The following OR6C3 variants were observed in gnomAD, a reference collection of about 807,000 sequenced individuals.
The protein encoded by OR6C3 is olfactory receptor 6C3.
For synonymous variants in OR6C3, 177 were observed against 137.4 expected, an observed-to-expected ratio of 1.29 and a Z score of -2.02; for missense variants, 487 against 364.6, an observed-to-expected ratio of 1.34 and a Z score of -2.73.
chr12:55,331,185 TG>T (rs1868829821), intron 1 of OR6C3, among the ~76,000 whole-genome samples: 1 of 151,736 alleles, frequency 6.6e-6, no homozygotes, highest in African/African-American at 2.4e-5. Context: ...AATCTTTAAT[TG>T]GTTTCTCATA....
Position 55,332,461 on chromosome 12 carries a change from T to A in OR6C3, c.761T>A (p.Phe254Tyr), listed in dbSNP as rs1363510391. Residue 254 changes from phenylalanine to tyrosine, a missense_variant, in exon 2 of 2, where the codon TTC becomes TAC. By Grantham distance (22) the Phe-to-Tyr change is conservative (BLOSUM62 3). Coordinates refer to ENST00000641740, the MANE Select transcript of OR6C3 (RefSeq NM_001388498.1). ...TCCATTTCTTATGGAAGCTGTATATTCATGTATGCTAATCCATCTGCAAAA... is the reference window on the plus strand; with the variant it reads ...TCCATTTCTTATGGAAGCTGTATATACATGTATGCTAATCCATCTGCAAAA... ...VISISYGSCI[F>Y]MYANPSAKEK... 1.2e-6 allele frequency: 2 copies of A among 1,613,952 alleles called. No homozygotes were observed. Among genetic ancestry groups the A allele is most frequent in the Non-Finnish European group, 1.7e-6 (2 of 1,179,996 alleles).
chr12:55,331,195 T>C (rs941555850), intron 1 of OR6C3, among the ~76,000 whole-genome samples: 21 of 151,908 alleles, frequency 1.4e-4, no homozygotes, highest in African/African-American at 4.8e-4. Flanking sequence ...TGGTTTCTCA[T>C]ATCATAAAAA....
intron 1 of OR6C3, 82 bp from the exon 2 acceptor site, chr12:55,331,575 A>G: frequency 3.3e-6 from 2 of 610,048 alleles, no homozygotes; most frequent in African/African-American, 1.8e-5. Flanking sequence ...TTAGAATTGT[A>G]TTGATAATTA....
In OR6C3 at chr12:55,332,467, A is replaced by T. The variant is rs757496087; in HGVS notation, c.767A>T (p.Tyr256Phe). ...SISYGSCIFMYANPSAKEKAS... is the reference protein window; with the variant it reads ...SISYGSCIFMFANPSAKEKAS... ...TCTTATGGAAGCTGTATATTCATGT[A>T]TGCTAATCCATCTGCAAAAGAAAAG... Residue 256 changes from tyrosine (Y) to phenylalanine (F), a missense_variant, in exon 2 of 2, where the codon TAT becomes TTT. Coordinates refer to ENST00000641740, the MANE Select transcript of OR6C3 (RefSeq NM_001388498.1). The T allele has an allele frequency of 6.2e-7, 1 of 1,614,054 alleles. No individual in the cohort carries two copies. Among genetic ancestry groups the T allele is most frequent in the Admixed American group, 1.7e-5 (1 of 60,004 alleles).
In OR6C3 at chr12:55,332,214, G is replaced by A. The variant is rs1289187580; in HGVS notation, c.514G>A (p.Asp172Asn). 7 of 1,614,024 alleles carry A rather than the reference G, an allele frequency of 4.3e-6. No homozygotes were observed. The highest frequency in any genetic ancestry group is 5.9e-6 in the Non-Finnish European group (7 of 1,180,002). Residue 172 changes from aspartate (D) to asparagine (N), a missense_variant, in exon 2 of 2, where the codon GAT (aspartate) becomes AAT (asparagine). Asp to Asn is a conservative substitution (Grantham distance 23). Coordinates refer to ENST00000641740, the MANE Select transcript of OR6C3 (RefSeq NM_001388498.1). The part of the protein sequence containing the change: ...QLDYCASNVI[D>N]HFACDYFPLL... ...GGATTACTGTGCTTCCAACGTCATT[G>A]ATCACTTTGCATGTGACTATTTTCC...
Position 55,332,401 on chromosome 12 carries a change from C to A in OR6C3, c.701C>A (p.Ala234Asp). The stretch of plus-strand genomic sequence containing the variant: ...CCGTCTGCCAGTCAAAGAAAAAAGG[C>A]TTTCTCCACTTGTTCTTCTCACATG... ...RIPSASQRKK[A>D]FSTCSSHMIV... Residue 234 changes from alanine to aspartate, a missense_variant, in exon 2 of 2, where the codon GCT becomes GAT. Physicochemically the swap from Ala to Asp is moderately radical, Grantham distance 126. Transcript: ENST00000641740. 6.2e-7 allele frequency: 1 copy of A among 1,613,942 alleles called. No individual in the cohort carries two copies. The highest frequency in any genetic ancestry group is 8.5e-7 in the Non-Finnish European group (1 of 1,179,860).
chr12:55,332,443 C>G lies in OR6C3; in HGVS notation c.743C>G (p.Ser248Cys), dbSNP rs774173821. The G allele has an allele frequency of 6.2e-7, 1 of 1,613,810 alleles. No homozygotes were observed. The highest frequency in any genetic ancestry group is 1.1e-5 in the South Asian group (1 of 91,066). ...CSSHMIVISI[S>C]YGSCIFMYAN... ...TCTCACATGATTGTCATTTCCATTT[C>G]TTATGGAAGCTGTATATTCATGTAT... The change falls in exon 2 of 2, where the codon TCT becomes TGT. Residue 248 changes from serine (S) to cysteine (C), a missense_variant. Coordinates refer to ENST00000641740, the MANE Select transcript of OR6C3 (RefSeq NM_001388498.1).
chr12:55,331,032 A>G (rs1868822333), intron 1 of OR6C3, among the ~76,000 whole-genome samples: 2 of 151,912 alleles, frequency 1.3e-5, no homozygotes, highest in African/African-American at 2.4e-5. Context: ...TAATTACATT[A>G]TTTACTCTAT....
Position 55,331,879 on chromosome 12 carries a change from T to C in OR6C3, c.179T>C (p.Leu60Pro). The change falls in exon 2 of 2, where the codon CTC becomes CCC. Residue 60 changes from leucine to proline, a missense_variant. Coordinates refer to ENST00000641740, the MANE Select transcript of OR6C3 (RefSeq NM_001388498.1). ...SHLQTPMYFF[L>P]RNFSFLEISF... ...CTGCAGACACCTATGTATTTCTTCCTCCGGAACTTCTCTTTCTTAGAAATC... is the reference window on the plus strand; with the variant it reads ...CTGCAGACACCTATGTATTTCTTCCCCCGGAACTTCTCTTTCTTAGAAATC... 1 of 1,614,174 alleles carries C rather than the reference T, an allele frequency of 6.2e-7. No homozygotes were observed. Among genetic ancestry groups the C allele is most frequent in the South Asian group, 1.1e-5 (1 of 91,082 alleles).
chr12:55,330,229 T>C (rs2120470940), upstream of OR6C3: 1 of 152,314 alleles, frequency 6.6e-6, no homozygotes, highest in Admixed American at 6.5e-5. Flanking sequence ...TATATTTACC[T>C]ATTTTCTCTT....
In OR6C3 at chr12:55,331,766, T is replaced by A. The variant is rs933699695; in HGVS notation, c.66T>A (p.Ile22=). The change falls in exon 2 of 2, where the codon ATT becomes ATA. Residue 22 remains isoleucine (I), a synonymous_variant. Transcript: ENST00000641740. The part of the protein sequence containing the change: ...LGLSDDPDLQ[I]VIFLFLFITY... ...TTTCTGATGATCCTGACCTTCAGATTGTGATTTTTCTCTTTTTATTTATCA... is the reference window on the plus strand; with the variant it reads ...TTTCTGATGATCCTGACCTTCAGATAGTGATTTTTCTCTTTTTATTTATCA... The A allele has an allele frequency of 6.2e-7, 1 of 1,613,968 alleles. No individual in the cohort carries two copies.
chr12:55,331,599 G>A lies in OR6C3; in HGVS notation c.-44-58G>A, dbSNP rs899708111. On this transcript the variant is annotated intron_variant, in intron 1 of 1. Coordinates refer to ENST00000641740, the MANE Select transcript of OR6C3 (RefSeq NM_001388498.1). ...TATTGATAATTATATGGATCATGAT[G>A]AATTATATCTTTTATCTATTTTCCT... The A allele has an allele frequency of 6.5e-5, 46 of 708,648 alleles. No individual in the cohort carries two copies. The African/African-American group carries it at 8.3e-4, about 13-fold the overall frequency. The allele number at this position is 708,648 out of a possible 1,614,324, so 43.9% of individuals were successfully genotyped here. A position where few individuals can be genotyped will look rare whatever the true frequency, so the allele number is the denominator to read the frequency against.
In OR6C3 at chr12:55,331,789, T is replaced by C; in HGVS notation, c.89T>C (p.Ile30Thr). The change falls in exon 2 of 2, where the codon ATC (isoleucine) becomes ACC (threonine). Residue 30 changes from isoleucine (I) to threonine (T), a missense_variant. Physicochemically the swap from Ile to Thr is moderately conservative, Grantham distance 89. Coordinates refer to ENST00000641740, the MANE Select transcript of OR6C3 (RefSeq NM_001388498.1). Reference sequence around the variant, plus strand: ...ATTGTGATTTTTCTCTTTTTATTTATCACGTATATATTAAGTGTTACTGGA... The same window carrying C: ...ATTGTGATTTTTCTCTTTTTATTTACCACGTATATATTAAGTGTTACTGGA... The part of the protein sequence containing the change: ...LQIVIFLFLF[I>T]TYILSVTGNL... The C allele has an allele frequency of 6.2e-7, 1 of 1,613,730 alleles. No individual in the cohort carries two copies.
Position 55,332,237 on chromosome 12 carries a change from T to C in OR6C3, c.537T>C (p.Phe179=), listed in dbSNP as rs776694252. 32 of 1,614,012 alleles carry C rather than the reference T, an allele frequency of 2.0e-5. No individual in the cohort carries two copies. The highest frequency in any genetic ancestry group is 2.5e-5 in the Non-Finnish European group (30 of 1,180,032). ...NVIDHFACDY[F]PLLQLSCSDT... ...TTGATCACTTTGCATGTGACTATTT[T>C]CCCCTCTTACAACTATCTTGTTCAG... Residue 179 remains phenylalanine (F), a synonymous_variant, in exon 2 of 2, where the codon TTT becomes TTC. Transcript: ENST00000641740.
chr12:55,331,029 A>T (rs1868822280), intron 1 of OR6C3, among the ~76,000 whole-genome samples: 1 of 151,964 alleles, frequency 6.6e-6, no homozygotes, highest in South Asian at 2.1e-4. Flanking sequence ...AAATAATTAC[A>T]TTATTTACTC....
In OR6C3 at chr12:55,332,604, G is replaced by T; in HGVS notation, c.904G>T (p.Val302Phe). 1 of 1,600,982 alleles carries T rather than the reference G, an allele frequency of 6.2e-7. No individual in the cohort carries two copies. The highest frequency in any genetic ancestry group is 8.5e-7 in the Non-Finnish European group (1 of 1,176,820). Residue 302 changes from valine (V) to phenylalanine (F), a missense_variant, in exon 2 of 2, where the codon GTC becomes TTC. Val to Phe is a conservative substitution (Grantham distance 50, BLOSUM62 -1). Coordinates refer to ENST00000641740, the MANE Select transcript of OR6C3 (RefSeq NM_001388498.1). ...AGTAAAACAAGCCTTCAAAAATGTG[G>T]TCCACAAAGTTGTGTTTTATGCAAA... ...QQVKQAFKNVVHKVVFYANQ is the reference protein window; with the variant it reads ...QQVKQAFKNVFHKVVFYANQ
At position 55,332,525 on chromosome 12, in the gene OR6C3, T is replaced by C; in HGVS notation, c.825T>C (p.Asn275=). The change falls in exon 2 of 2, where the codon AAT becomes AAC. Residue 275 remains asparagine (N), a synonymous_variant. Coordinates refer to ENST00000641740, the MANE Select transcript of OR6C3 (RefSeq NM_001388498.1). ...TGACAAAAGGAATAGCTATTCTCAA[T>C]ACATCTGTTGCCCCCATGCTGAACC... ...ASLTKGIAIL[N]TSVAPMLNPF... is the part of the protein sequence containing the mutation. The C allele has an allele frequency of 6.2e-7, 1 of 1,613,784 alleles. No individual in the cohort carries two copies. Among genetic ancestry groups the C allele is most frequent in the Non-Finnish European group, 8.5e-7 (1 of 1,179,892 alleles).
chr12:55,332,373 A>T lies in OR6C3; in HGVS notation c.673A>T (p.Ile225Phe), dbSNP rs755395844. Residue 225 changes from isoleucine to phenylalanine, a missense_variant, in exon 2 of 2, where the codon ATC (isoleucine) becomes TTC (phenylalanine). Transcript: ENST00000641740. Reference sequence around the variant, plus strand: ...GTACATTATCAGGACCATTTTGAGAATCCCGTCTGCCAGTCAAAGAAAAAA... The same window carrying T: ...GTACATTATCAGGACCATTTTGAGATTCCCGTCTGCCAGTCAAAGAAAAAA... The part of the protein sequence containing the change: ...YMYIIRTILR[I>F]PSASQRKKAF... 3 of 1,614,102 alleles carry T rather than the reference A, an allele frequency of 1.9e-6. No individual in the cohort carries two copies. The highest frequency in any genetic ancestry group is 2.5e-6 in the Non-Finnish European group (3 of 1,180,014).
rs757170115 is a variant in OR6C3, at chr12:55,331,948, T to C, written c.248T>C (p.Ile83Thr). 1.2e-6 allele frequency: 2 copies of C among 1,614,178 alleles called. No individual in the cohort carries two copies. Among genetic ancestry groups the C allele is most frequent in the Non-Finnish European group, 1.7e-6 (2 of 1,180,010 alleles). ...VCIPRFLGAI[I>T]TRNKTISYNN... ...ATCCCCAGATTTCTGGGGGCAATTA[T>C]CACCAGGAATAAGACTATTTCCTAT... The change falls in exon 2 of 2, where the codon ATC (isoleucine) becomes ACC (threonine). Residue 83 changes from isoleucine to threonine, a missense_variant. Ile to Thr is a moderately conservative substitution (Grantham distance 89, BLOSUM62 -1). Coordinates refer to ENST00000641740, the MANE Select transcript of OR6C3 (RefSeq NM_001388498.1).
Sources: allele counts gnomAD v4.1 joint callset (sites outside exome capture counted in the v4.1 genomes callset), GRCh38; gene constraint gnomAD v4.1.1; transcripts MANE v1.5; gene names NCBI Gene and HGNC (gene_info 2026-07-23, HGNC 2026-07-21).